The following COL4A2 variants were observed in gnomAD, a reference collection of about 807,000 sequenced individuals.
The protein encoded by COL4A2 is collagen alpha-2(IV) chain.
Under a neutral mutation model 200.2 loss-of-function variants are expected in COL4A2, and 99 were observed. That is an observed-to-expected ratio of 0.49 (90% confidence interval 0.42 to 0.58). COL4A2 has a LOEUF of 0.58. COL4A2 is among the 20% of genes least tolerant of loss of function. COL4A2 has a pLI of 0.00. For missense variants in COL4A2, 1,950 were observed against 2,314.1 expected (o/e 0.84, Z 3.23); for synonymous variants, 897 against 900.6 (o/e 1.00, Z 0.07).
intron 11 of COL4A2, among the ~76,000 whole-genome samples, chr13:110,433,802 C>A (rs757075411): frequency 6.6e-6 from 1 of 152,198 alleles, no homozygotes; most frequent in South Asian, 2.1e-4. Flanking sequence ...TCCTCCCACA[C>A]GTGGCTACTA....
intron 3 of COL4A2, among the ~76,000 whole-genome samples, chr13:110,348,274 G>A (rs1279725461): frequency 6.6e-6 from 1 of 152,194 alleles, no homozygotes; most frequent in Non-Finnish European, 1.5e-5. Flanking sequence ...TTGAGCTGGT[G>A]ACTAGTTCAA....
intron 20 of COL4A2, among the ~76,000 whole-genome samples, chr13:110,452,067 A>G (rs1881556913): frequency 6.6e-6 from 1 of 152,238 alleles, no homozygotes; most frequent in Non-Finnish European, 1.5e-5. Context: ...GAGGAAAAAC[A>G]CCATGTTTGC....
Position 110,489,659 on chromosome 13 carries a change from C to T in COL4A2, c.3272-52C>T, listed in dbSNP as rs1883219038. ...AACAAAATAGAAGTTGCAAAACTCA[C>T]AAAGTCCCAGTGGAAAGTCCTGTTC... On this transcript the variant is annotated intron_variant, in intron 35 of 47. Transcript: ENST00000360467. 2.5e-6 allele frequency: 4 copies of T among 1,610,734 alleles called. No homozygotes were observed. In the Admixed American group the frequency reaches 5.0e-5, roughly 20 times the overall value.
Position 110,484,993 on chromosome 13 carries a change from G to T in COL4A2, c.2991G>T (p.Gly997=). The T allele has an allele frequency of 6.2e-7, 1 of 1,610,992 alleles. No individual in the cohort carries two copies. The highest frequency in any genetic ancestry group is 8.5e-7 in the Non-Finnish European group (1 of 1,177,714). ...TTAAAGGAGAGAAAGGAGATGAAGGGCCTATGGGGCTGAAAGGATACCTGG... is the reference window on the plus strand; with the variant it reads ...TTAAAGGAGAGAAAGGAGATGAAGGTCCTATGGGGCTGAAAGGATACCTGG... ...KDIKGEKGDE[G]PMGLKGYLGA... The change falls in exon 33 of 48, where the codon GGG becomes GGT. Residue 997 remains glycine, a synonymous_variant. Transcript: ENST00000360467.
intron 34 of COL4A2, among the ~76,000 whole-genome samples, chr13:110,486,103 C>T (rs931003797): frequency 8.6e-5 from 13 of 150,838 alleles, no homozygotes; most frequent in African/African-American, 3.2e-4. Context: ...TCATGGTGGC[C>T]TTGAGAGAAC....
At position 110,508,887 on chromosome 13, in the gene COL4A2, T is replaced by C. The variant is rs541704859; in HGVS notation, c.4881+666T>C. Among the ~76,000 whole-genome samples, 3 of 152,192 alleles carry C rather than the reference T, an allele frequency of 2.0e-5. No homozygotes were observed. Among genetic ancestry groups the C allele is most frequent in the Admixed American group, 6.5e-5 (1 of 15,282 alleles). ...CAGCACCATAGTGTCTCTTGCAATATTGCCTATTAAAGCAGAGGCTCCTCA... is the reference window on the plus strand; with the variant it reads ...CAGCACCATAGTGTCTCTTGCAATACTGCCTATTAAAGCAGAGGCTCCTCA... On this transcript the variant is annotated intron_variant, in intron 47 of 47. Coordinates refer to ENST00000360467, the MANE Select transcript of COL4A2 (RefSeq NM_001846.4). The surrounding 1 kb of genome is among the most constrained non-coding windows in gnomAD (Gnocchi z 6.1).
intron 3 of COL4A2, among the ~76,000 whole-genome samples, chr13:110,335,941 T>C (rs1259020705): frequency 1.3e-5 from 2 of 152,230 alleles, no homozygotes; most frequent in Non-Finnish European, 2.9e-5. Flanking sequence ...TGTAGTGTGC[T>C]TTGCAAAAAG....
At chr13:110,337,114 A>G (rs1876227215) in intron 3 of COL4A2, among the ~76,000 whole-genome samples, 1 of 152,252 alleles carries the variant, frequency 6.6e-6, no homozygotes, top group Non-Finnish European at 1.5e-5. Context: ...TTGTACACGT[A>G]GGACGTATAA....
Position 110,445,850 on chromosome 13 carries a change from T to C in COL4A2, c.979T>C (p.Tyr327His). 1 of 1,614,188 alleles carries C rather than the reference T, an allele frequency of 6.2e-7. No individual in the cohort carries two copies. The highest frequency in any genetic ancestry group is 8.5e-7 in the Non-Finnish European group (1 of 1,180,030). Residue 327 changes from tyrosine (Y) to histidine (H), a missense_variant, in exon 17 of 48, where the codon TAT becomes CAT. By Grantham distance (83) the Tyr-to-His change is moderately conservative. Coordinates refer to ENST00000360467, the MANE Select transcript of COL4A2 (RefSeq NM_001846.4). Reference protein sequence around the residue: ...GQKGSRGLDGYQGPDGPRGPK... With the variant: ...GQKGSRGLDGHQGPDGPRGPK... ...GCAGGGAAGCCGAGGCCTGGATGGC[T>C]ATCAAGGGCCTGATGGACCCCGGGG...
chr13:110,487,536 C>T (rs866774467), intron 34 of COL4A2, among the ~76,000 whole-genome samples: 1 of 152,116 alleles, frequency 6.6e-6, no homozygotes, highest in African/African-American at 2.4e-5. Context: ...CATAACAGCT[C>T]GAAACTAGGA....
chr13:110,446,876 A>G lies in COL4A2; in HGVS notation c.1078+12A>G, dbSNP rs1473673298. On this transcript the variant is annotated intron_variant, in intron 18 of 47. Transcript: ENST00000360467. ...TTCCCTAGCAAAAGGTGTGTGAACA[A>G]TTTCACCTGCATAGTTCAGCATCGC... 59 of 1,609,308 alleles carry G rather than the reference A, an allele frequency of 3.7e-5. No individual in the cohort carries two copies. Among genetic ancestry groups the G allele is most frequent in the Non-Finnish European group, 4.8e-5 (56 of 1,176,180 alleles).
chr13:110,383,122 T>C (rs1428410437), intron 4 of COL4A2, among the ~76,000 whole-genome samples: 2 of 152,266 alleles, frequency 1.3e-5, no homozygotes, highest in African/African-American at 4.8e-5. Flanking sequence ...CTCTTGTTTA[T>C]TTTTTTAATG....
Position 110,422,338 on chromosome 13 carries a change from C to T in COL4A2, c.181-2396C>T, listed in dbSNP as rs542572030. 2.0e-5 allele frequency among the ~76,000 whole-genome samples: 3 copies of T among 151,716 alleles called. No individual in the cohort carries two copies. The South Asian group carries it at 6.3e-4, about 32-fold the overall frequency. On this transcript the variant is annotated intron_variant, in intron 4 of 47. Coordinates refer to ENST00000360467, the MANE Select transcript of COL4A2 (RefSeq NM_001846.4). ...TAACAACAAATGTCGTGTAGGAAAC[C>T]ACTAAGCATTGGAGATAGAATGAGT...
intron 3 of COL4A2, among the ~76,000 whole-genome samples, chr13:110,319,738 G>T (rs1038146050): frequency 3.9e-5 from 6 of 152,216 alleles, no homozygotes; most frequent in Non-Finnish European, 5.9e-5. Flanking sequence ...TCAAGACCAA[G>T]TAGGGACCTG....
chr13:110,499,250 A>T (rs1883560754), intron 40 of COL4A2, among the ~76,000 whole-genome samples: 1 of 152,242 alleles, frequency 6.6e-6, no homozygotes, highest in Non-Finnish European at 1.5e-5. Context: ...TAATTTATAA[A>T]GGAAAGAGGT....
intron 4 of COL4A2, among the ~76,000 whole-genome samples, chr13:110,393,331 A>G (rs1879060439): frequency 6.6e-6 from 1 of 152,204 alleles, no homozygotes; most frequent in Admixed American, 6.5e-5. Flanking sequence ...TCTCCCATCC[A>G]AGAATAATTT....
At chr13:110,356,456 A>C (rs1423238348) in intron 3 of COL4A2, among the ~76,000 whole-genome samples, 1 of 152,138 alleles carries the variant, frequency 6.6e-6, no homozygotes, top group Admixed American at 6.5e-5. Context: ...CCTCCTCCTC[A>C]CATGGCCCTC....
At position 110,480,263 on chromosome 13, in the gene COL4A2, T is replaced by G. The variant is rs1309637542; in HGVS notation, c.2631T>G (p.Pro877=). The G allele has an allele frequency of 6.2e-7, 1 of 1,613,536 alleles. No homozygotes were observed. Among genetic ancestry groups the G allele is most frequent in the Non-Finnish European group, 8.5e-7 (1 of 1,179,688 alleles). The change falls in exon 31 of 48, where the codon CCT becomes CCG. Residue 877 remains proline (P), a synonymous_variant. Transcript: ENST00000360467. ...DRGDPGDTGA[P]GPVGMKGLSG... ...GGGACCCTGGGGACACAGGCGCTCC[T>G]GGCCCTGTGGGCATGAAAGGTCTCT...
chr13:110,459,376 G>A (rs1881926210), intron 22 of COL4A2: 1 of 156,256 alleles, frequency 6.4e-6, no homozygotes, highest in Non-Finnish European at 1.4e-5. Flanking sequence ...CCACAGAATA[G>A]CCCTGACCTT....
Sources: gnomAD v4.1 joint callset for allele counts (sites outside exome capture counted in the v4.1 genomes callset) on GRCh38, gnomAD v4.1.1 for gene constraint, Gnocchi (gnomAD v3.1) non-coding constraint, MANE v1.5 for transcripts, NCBI Gene and HGNC (gene_info 2026-07-23, HGNC 2026-07-21) for gene names.